ACOX1: variants seen among roughly 807,000 people sequenced by gnomAD.
ACOX1 encodes the protein peroxisomal acyl-coenzyme A oxidase 1.
ACOX1 carries 41 observed loss-of-function variants against 75.5 expected under a neutral mutation model. That is an observed-to-expected ratio of 0.54 (90% CI 0.42 to 0.70). The LOEUF (loss-of-function observed/expected upper bound fraction) is 0.70, where lower values mean the gene tolerates loss of function less well. Ranked by LOEUF, ACOX1 falls within the 30% of genes least tolerant of loss-of-function variation. The pLI, the probability that ACOX1 is intolerant of heterozygous loss-of-function variation, is 0.00. For missense variants in ACOX1, 630 were observed against 837.5 expected (o/e 0.75, Z 3.06); for synonymous variants, 303 against 298.8 (o/e 1.01, Z -0.15).
At chr17:75,972,973 C>T (rs1474294748) in intron 2 of ACOX1, among the ~76,000 whole-genome samples, 1 of 152,178 alleles carries the variant, frequency 6.6e-6, no homozygotes. Flanking sequence ...ACACTCAAAC[C>T]TGCCAATGGC....
Position 75,957,374 on chromosome 17 carries a change from A to G in ACOX1, c.538+85T>C, listed in dbSNP as rs2065843143. On this transcript the variant is annotated intron_variant, in intron 4 of 13. Coordinates refer to ENST00000293217, the MANE Select transcript of ACOX1 (RefSeq NM_004035.7). ...AGGATTTCACCACCAAGTCTGGCCGACATTATCATAAAAGCTCTACATTCT... is the reference window on the plus strand; with the variant it reads ...AGGATTTCACCACCAAGTCTGGCCGGCATTATCATAAAAGCTCTACATTCT... The G allele has an allele frequency of 7.2e-6, 9 of 1,253,042 alleles. No individual in the cohort carries two copies. In the East Asian group the frequency reaches 2.1e-4, roughly 29 times the overall value. The allele number at this position is 1,253,042 out of a possible 1,614,324, so 77.6% of individuals were successfully genotyped here.
chr17:75,949,982 C>T, intron 9 of ACOX1, 85 bp from the exon 10 acceptor site: 1 of 1,479,460 alleles, frequency 6.8e-7, no homozygotes, highest in South Asian at 1.2e-5. Flanking sequence ...GTTGCCTAGG[C>T]TGGATGGAGT....
Position 75,953,634 on chromosome 17 carries a change from G to A in ACOX1, c.775-14C>T, listed in dbSNP as rs753265466. The stretch of plus-strand genomic sequence containing the variant: ...ATCAGGCTTCACCTGGAAGAAGAAC[G>A]TGGAACTGATACTTCCTTCTTTTAA... On this transcript the variant is annotated splice_polypyrimidine_tract_variant and intron_variant, in intron 6 of 13. Coordinates refer to ENST00000293217, the MANE Select transcript of ACOX1 (RefSeq NM_004035.7). 2.9e-5 allele frequency: 46 copies of A among 1,613,618 alleles called. No individual in the cohort carries two copies. Among genetic ancestry groups the A allele is most frequent in the Middle Eastern group, 1.6e-4 (1 of 6,082 alleles).
chr17:75,964,178 C>CAAA (rs60919786), intron 2 of ACOX1, among the ~76,000 whole-genome samples: 3 of 84,500 alleles, frequency 3.6e-5, no homozygotes, highest in South Asian at 4.0e-4. Flanking sequence ...GACTCCATCT[C>CAAA]AAAAAAAAAA....
rs140064028 is a variant in ACOX1 at position 75,972,475 on chromosome 17, C to T, written c.269+6059G>A. Among the ~76,000 whole-genome samples the T allele has an allele frequency of 8.6e-3, 1,306 of 151,278 alleles. 22 individuals are homozygous for T. The highest frequency in any genetic ancestry group is 0.029 in the African/African-American group (1,198 of 41,202). On this transcript the variant is annotated intron_variant, in intron 2 of 13. Coordinates refer to ENST00000293217, the MANE Select transcript of ACOX1 (RefSeq NM_004035.7). The stretch of plus-strand genomic sequence containing the variant: ...CAGCCTGGCCAACATGGAGAAACCA[C>T]GTCTCTACTAAAAATACAAAATCAG...
intron 2 of ACOX1, among the ~76,000 whole-genome samples, chr17:75,966,660 G>C (rs1033757389): frequency 6.6e-6 from 1 of 151,836 alleles, no homozygotes; most frequent in African/African-American, 2.4e-5. Context: ...AAAATTAGCT[G>C]GGCGTGGTGG....
intron 2 of ACOX1, among the ~76,000 whole-genome samples, chr17:75,969,273 T>C (rs1283226857): frequency 6.6e-6 from 1 of 152,086 alleles, no homozygotes; most frequent in African/African-American, 2.4e-5. Flanking sequence ...TTCAAAAGCT[T>C]CTCCTGCCTC....
intron 2 of ACOX1, among the ~76,000 whole-genome samples, chr17:75,961,524 C>T (rs1395541388): frequency 6.8e-6 from 1 of 147,006 alleles, no homozygotes; most frequent in Non-Finnish European, 1.5e-5. Flanking sequence ...AATCCCAGCA[C>T]TTTGAGAGGC....
At chr17:75,952,206 G>C (rs2065780895) in intron 7 of ACOX1, among the ~76,000 whole-genome samples, 1 of 152,178 alleles carries the variant, frequency 6.6e-6, no homozygotes. Context: ...CAATCTTGGA[G>C]AAGACCCAAT....
chr17:75,964,591 T>C (rs973236375), intron 2 of ACOX1, among the ~76,000 whole-genome samples: 2 of 152,114 alleles, frequency 1.3e-5, no homozygotes, highest in African/African-American at 2.4e-5. Flanking sequence ...AAGAATGTTT[T>C]CAGGAAAAAA....
Position 75,949,616 on chromosome 17 carries a change from T to C in ACOX1, c.1479-16A>G. On this transcript the variant is annotated splice_polypyrimidine_tract_variant and intron_variant, in intron 10 of 13. Coordinates refer to ENST00000293217, the MANE Select transcript of ACOX1 (RefSeq NM_004035.7). The stretch of plus-strand genomic sequence containing the variant: ...TTCTACTAATCTGTTAAGACATAGA[T>C]TGGAGGTCTGAGGAAATGATCAACA... 6.2e-7 allele frequency: 1 copy of C among 1,613,836 alleles called. No homozygotes were observed. The highest frequency in any genetic ancestry group is 1.3e-5 in the African/African-American group (1 of 75,068).
At chr17:75,953,862 GT>G (rs1227565810) in intron 6 of ACOX1, among the ~76,000 whole-genome samples, 2 of 152,236 alleles carry the variant, frequency 1.3e-5, no homozygotes, top group Non-Finnish European at 2.9e-5. Context: ...AGAATCATTG[GT>G]TTAGCAAATC....
intron 2 of ACOX1, among the ~76,000 whole-genome samples, chr17:75,961,760 A>AG (rs34386525): frequency 5.2e-5 from 6 of 116,278 alleles, no homozygotes; most frequent in African/African-American, 2.2e-4. Flanking sequence ...ACTCTGTCTC[A>AG]AAAAAAAAAA....
rs1340294083 is a variant in ACOX1, at chr17:75,942,352, C to A, written c.*4396G>T. ...AGGCTGAGGCAGAGAATTGCTTGAA[C>A]CCGGGAGGCAGAGGTTGCAGTGAGC... On this transcript the variant is annotated 3_prime_UTR_variant, in exon 14 of 14. Transcript: ENST00000293217. The A allele has an allele frequency of 6.8e-6, 1 of 147,384 alleles. No individual in the cohort carries two copies. Among genetic ancestry groups the A allele is most frequent in the Non-Finnish European group, 1.5e-5 (1 of 67,538 alleles). The allele number at this position is 147,384 out of a possible 1,614,324, so 9.1% of individuals were successfully genotyped here.
At position 75,942,927 on chromosome 17, in the gene ACOX1, A is replaced by G. The variant is rs1382690618; in HGVS notation, c.*3821T>C. On this transcript the variant is annotated 3_prime_UTR_variant, in exon 14 of 14. Transcript: ENST00000293217. Reference sequence around the variant, plus strand: ...CACCCAAAGCCCTGCAGTGAAGAAAATCCAAGAATTAAGATGTAACATGTT... The same window carrying G: ...CACCCAAAGCCCTGCAGTGAAGAAAGTCCAAGAATTAAGATGTAACATGTT... 6.6e-6 allele frequency: 1 copy of G among 152,144 alleles called. No individual in the cohort carries two copies. Among genetic ancestry groups the G allele is most frequent in the Non-Finnish European group, 1.5e-5 (1 of 68,044 alleles). The allele number at this position is 152,144 out of a possible 1,614,324, so 9.4% of individuals were successfully genotyped here.
Position 75,951,586 on chromosome 17 carries a change from C to T in ACOX1, c.945-9G>A. On this transcript the variant is annotated splice_polypyrimidine_tract_variant and intron_variant, in intron 7 of 13. Transcript: ENST00000293217. ...TCTGTGGTTCTGGTTCACTACGTGA[C>T]ATAGAAAAAGAAAAAAAGTAGTAAG... The T allele has an allele frequency of 6.2e-7, 1 of 1,613,768 alleles. No individual in the cohort carries two copies. The highest frequency in any genetic ancestry group is 1.1e-5 in the South Asian group (1 of 91,072).
chr17:75,968,061 G>C (rs1021647374), intron 2 of ACOX1, among the ~76,000 whole-genome samples: 1 of 151,430 alleles, frequency 6.6e-6, no homozygotes, highest in South Asian at 2.1e-4. Flanking sequence ...TTTATACATA[G>C]AAAACACAAA....
Position 75,960,296 on chromosome 17 carries a change from C to T in ACOX1, c.349G>A (p.Ala117Thr), listed in dbSNP as rs1210873883. Residue 117 changes from alanine to threonine, a missense_variant, in exon 3 of 14, where the codon GCG becomes ACG. Physicochemically the swap from Ala to Thr is moderately conservative, Grantham distance 58 (BLOSUM62 0). Transcript: ENST00000293217. This position sits in a 1 kb window ranked among gnomAD's most constrained non-coding sequence, Gnocchi z 4.4. ...ATGAAGAAGCGCTCCTGCTGCTCCG[C>T]AGTTGCCTGGTGAAGCAAGGTGGGC... ...FLPTLLHQATAEQQERFFMPA... is the reference protein window; with the variant it reads ...FLPTLLHQATTEQQERFFMPA... The T allele has an allele frequency of 1.9e-6, 3 of 1,614,198 alleles. No individual in the cohort carries two copies. The highest frequency in any genetic ancestry group is 2.5e-6 in the Non-Finnish European group (3 of 1,180,040).
chr17:75,949,934 A>G, intron 9 of ACOX1, 37 bp from the exon 10 acceptor site: 2 of 1,611,146 alleles, frequency 1.2e-6, no homozygotes, highest in South Asian at 1.1e-5. Flanking sequence ...TAGTAACTCT[A>G]CTTTCTTTTG....
Sources: gnomAD v4.1 joint callset for allele counts (sites outside exome capture counted in the v4.1 genomes callset) on GRCh38, gnomAD v4.1.1 for gene constraint, Gnocchi (gnomAD v3.1) non-coding constraint, MANE v1.5 for transcripts, NCBI Gene and HGNC (gene_info 2026-07-23, HGNC 2026-07-21) for gene names.